The following SLCO2A1 variants were observed in gnomAD, a reference collection of about 807,000 sequenced individuals.
The protein encoded by SLCO2A1 is solute carrier organic anion transporter family member 2A1, also known as matrin F/G 1.
Under a neutral mutation model 71.7 loss-of-function variants are expected in SLCO2A1, and 60 were observed. That is an observed-to-expected ratio of 0.84 (90% CI 0.68 to 1.04). The LOEUF (loss-of-function observed/expected upper bound fraction) is 1.04, where lower values mean the gene tolerates loss of function less well. Ranked by LOEUF, SLCO2A1 falls within the 50% of genes least tolerant of loss-of-function variation. The pLI, the probability that SLCO2A1 is intolerant of heterozygous loss-of-function variation, is 0.00. For missense variants in SLCO2A1, 745 were observed against 813.4 expected (o/e 0.92, Z 1.02); for synonymous variants, 308 against 326.7 (o/e 0.94, Z 0.62).
chr3:133,949,389 C>T (rs1933676954), intron 6 of SLCO2A1, among the ~76,000 whole-genome samples: 1 of 151,914 alleles, frequency 6.6e-6, no homozygotes, highest in Non-Finnish European at 1.5e-5. Flanking sequence ...TCCAGCCCCA[C>T]CGTCCTCCCC....
At chr3:133,976,799 C>T (rs1349365851) in intron 2 of SLCO2A1, among the ~76,000 whole-genome samples, 1 of 152,180 alleles carries the variant, frequency 6.6e-6, no homozygotes, top group Non-Finnish European at 1.5e-5. Flanking sequence ...GCGTGAAGGG[C>T]AGGCAGCCTC....
Position 133,973,834 on chromosome 3 carries a change from A to T in SLCO2A1, c.235-9T>A. 1 of 1,610,878 alleles carries T rather than the reference A, an allele frequency of 6.2e-7. No homozygotes were observed. Among genetic ancestry groups the T allele is most frequent in the Non-Finnish European group, 8.5e-7 (1 of 1,178,586 alleles). Reference sequence around the variant, plus strand: ...AGGATGGCATTGCTGATCTGAGAAGAGAGCAGAAGGGCTGAGTGAGACAAG... The same window carrying T: ...AGGATGGCATTGCTGATCTGAGAAGTGAGCAGAAGGGCTGAGTGAGACAAG... On this transcript the variant is annotated splice_polypyrimidine_tract_variant and intron_variant, in intron 2 of 13. Coordinates refer to ENST00000310926, the MANE Select transcript of SLCO2A1 (RefSeq NM_005630.3).
intron 1 of SLCO2A1, among the ~76,000 whole-genome samples, chr3:134,019,048 C>G (rs1935518487): frequency 6.6e-6 from 1 of 152,186 alleles, no homozygotes; most frequent in Non-Finnish European, 1.5e-5. Flanking sequence ...TTGGTCACAG[C>G]TGGGATGTAT....
Position 133,934,793 on chromosome 3 carries a change from T to A in SLCO2A1, c.1852A>T (p.Met618Leu). ...GLQMGYKALG[M>L]LLLCFISWRV... ...CAGCTGATGAAGCAAAGCAGCAGCA[T>A]GCCCAGCGCCTTGTAGCCCATCTGC... Residue 618 changes from methionine to leucine, a missense_variant, in exon 14 of 14, where the codon ATG becomes TTG. Coordinates refer to ENST00000310926, the MANE Select transcript of SLCO2A1 (RefSeq NM_005630.3). 2 of 1,612,720 alleles carry A rather than the reference T, an allele frequency of 1.2e-6. No individual in the cohort carries two copies. The highest frequency in any genetic ancestry group is 1.7e-6 in the Non-Finnish European group (2 of 1,179,966).
intron 1 of SLCO2A1, among the ~76,000 whole-genome samples, chr3:133,982,559 T>C (rs1475694057): frequency 6.6e-6 from 1 of 152,154 alleles, no homozygotes; most frequent in Admixed American, 6.5e-5. Context: ...TCATTCCCCA[T>C]CACCTTCACT....
chr3:133,974,879 A>G (rs1934411053), intron 2 of SLCO2A1, among the ~76,000 whole-genome samples: 2 of 152,208 alleles, frequency 1.3e-5, no homozygotes. Flanking sequence ...GGGTACTCCT[A>G]TGTCAGGAAA....
intron 1 of SLCO2A1, among the ~76,000 whole-genome samples, chr3:134,004,031 A>G (rs1576455412): frequency 6.6e-6 from 1 of 152,220 alleles, no homozygotes; most frequent in Non-Finnish European, 1.5e-5. Context: ...TGCCCTGTGA[A>G]TTTTGAAGCT....
At position 133,953,743 on chromosome 3, in the gene SLCO2A1, G is replaced by C. The variant is rs764896034; in HGVS notation, c.644C>G (p.Ser215Cys). ...GTACCCGAAAGCCGGTCCAAATACAGAGATGGCAAATAAGATGGCTGGAAA... is the reference window on the plus strand; with the variant it reads ...GTACCCGAAAGCCGGTCCAAATACACAGATGGCAAATAAGATGGCTGGAAA... Reference protein sequence around the residue: ...PLYISILFAISVFGPAFGYLL... With the variant: ...PLYISILFAICVFGPAFGYLL... Residue 215 changes from serine to cysteine, a missense_variant, in exon 5 of 14, where the codon TCT becomes TGT. Physicochemically the swap from Ser to Cys is moderately radical, Grantham distance 112 (BLOSUM62 -1). Coordinates refer to ENST00000310926, the MANE Select transcript of SLCO2A1 (RefSeq NM_005630.3). The C allele has an allele frequency of 1.2e-6, 2 of 1,614,140 alleles. No individual in the cohort carries two copies. The highest frequency in any genetic ancestry group is 1.3e-5 in the African/African-American group (1 of 75,054).
intron 12 of SLCO2A1, 109 bp downstream of exon 12, chr3:133,938,320 C>A (rs768567806): frequency 1.0e-6 from 1 of 955,474 alleles, no homozygotes; most frequent in South Asian, 1.3e-5. Flanking sequence ...AGCTTCTCTT[C>A]GCCATGGAGA....
At chr3:133,953,894 C>A (rs1933816253) in intron 4 of SLCO2A1, 133 bp from the exon 5 acceptor site, 3 of 681,610 alleles carry the variant, frequency 4.4e-6, no homozygotes, top group Non-Finnish European at 7.9e-6. Context: ...ACACCTGTGG[C>A]ATCTCCCACC....
In SLCO2A1 at chr3:133,953,779, G is replaced by A; in HGVS notation, c.626-18C>T. 1 of 1,602,784 alleles carries A rather than the reference G, an allele frequency of 6.2e-7. No homozygotes were observed. On this transcript the variant is annotated intron_variant, in intron 4 of 13. Transcript: ENST00000310926. Reference sequence around the variant, plus strand: ...TAAGATGGCTGGAAAAGGAAGTAAGGGGAAGGAGACTGAGATAAATGGAGA... The same window carrying A: ...TAAGATGGCTGGAAAAGGAAGTAAGAGGAAGGAGACTGAGATAAATGGAGA...
chr3:134,025,318 G>A (rs1402544779), intron 1 of SLCO2A1, among the ~76,000 whole-genome samples: 1 of 151,996 alleles, frequency 6.6e-6, no homozygotes, highest in African/African-American at 2.4e-5. Context: ...TTCTATACAA[G>A]GTATGTAGCC....
intron 2 of SLCO2A1, among the ~76,000 whole-genome samples, chr3:133,976,831 C>T (rs115191645): frequency 0.013 from 1,905 of 152,258 alleles, 41 homozygotes; most frequent in African/African-American, 0.043. Context: ...CCTAGCCTTT[C>T]GTAGTGGACA....
chr3:134,026,531 T>C (rs562408274), intron 1 of SLCO2A1, among the ~76,000 whole-genome samples: 2 of 152,150 alleles, frequency 1.3e-5, no homozygotes, highest in South Asian at 4.2e-4. Flanking sequence ...GAAAAAATGA[T>C]AAATGGCCCC....
rs778506426 is a variant in SLCO2A1 at position 134,029,791 on chromosome 3, C to T, written c.12G>A (p.Leu4=). The change falls in exon 1 of 14, where the codon CTG becomes CTA. Residue 4 remains leucine (L), a synonymous_variant. Transcript: ENST00000310926. MGL[L]PKLGASQGSD... is the part of the protein sequence containing the mutation. ...TGCCCTGGGACGCGCCGAGCTTGGGCAGGAGCCCCATGGCTGCGGGCGGCT... is the reference window on the plus strand; with the variant it reads ...TGCCCTGGGACGCGCCGAGCTTGGGTAGGAGCCCCATGGCTGCGGGCGGCT... 1.3e-6 allele frequency: 2 copies of T among 1,520,160 alleles called. No individual in the cohort carries two copies. The highest frequency in any genetic ancestry group is 1.8e-6 in the Non-Finnish European group (2 of 1,139,338). 94.2% of individuals were successfully genotyped at this position (1,520,160 alleles called of 1,614,324 possible).
intron 1 of SLCO2A1, among the ~76,000 whole-genome samples, chr3:134,008,093 TCA>T (rs1339921110): frequency 2.0e-5 from 3 of 152,204 alleles, no homozygotes; most frequent in African/African-American, 7.2e-5. Context: ...CTTGTCTGAT[TCA>T]CAGTCGTGCT....
chr3:133,948,813 C>T, intron 7 of SLCO2A1, 80 bp downstream of exon 7: 1 of 1,590,368 alleles, frequency 6.3e-7, no homozygotes, highest in Non-Finnish European at 8.6e-7. Context: ...GCACACAACA[C>T]CACAGGGGCT....
chr3:134,000,496 C>T (rs1248329738), intron 1 of SLCO2A1, among the ~76,000 whole-genome samples: 1 of 152,116 alleles, frequency 6.6e-6, no homozygotes, highest in Non-Finnish European at 1.5e-5. Context: ...ATTGTGACAA[C>T]TTGAGTCACA....
chr3:134,005,049 C>A (rs1037279211), intron 1 of SLCO2A1, among the ~76,000 whole-genome samples: 7 of 152,222 alleles, frequency 4.6e-5, no homozygotes, highest in African/African-American at 1.7e-4. Context: ...CAGTGGAAAA[C>A]AATGACCATG....
Sources: allele counts gnomAD v4.1 joint callset (sites outside exome capture counted in the v4.1 genomes callset), GRCh38; gene constraint gnomAD v4.1.1; transcripts MANE v1.5; gene names NCBI Gene and HGNC (gene_info 2026-07-23, HGNC 2026-07-21).